Variants in IKZF3 observed in about 807,000 individuals in gnomAD.
IKZF3 encodes IKAROS family zinc finger 3.
IKZF3 carries 10 observed loss-of-function variants against 49.0 expected under a neutral mutation model. The ratio of observed to expected loss-of-function variants is 0.20; its 90% CI spans 0.13 to 0.35. The LOEUF (loss-of-function observed/expected upper bound fraction) is 0.35. IKZF3 is among the 10% of genes least tolerant of loss of function. The pLI, the probability that IKZF3 is intolerant of heterozygous loss-of-function variation, is 1.00. For synonymous variants in IKZF3, 209 were observed against 228.2 expected (o/e 0.92, Z 0.76); for missense variants, 498 against 664.8 (o/e 0.75, Z 2.76).
chr17:39,822,159 A>G (rs1026767616), intron 3 of IKZF3, among the ~76,000 whole-genome samples: 2 of 152,182 alleles, frequency 1.3e-5, no homozygotes, highest in African/African-American at 2.4e-5. Flanking sequence ...CCCCAGATGA[A>G]GCAGCTGATA....
chr17:39,850,836 T>C (rs1443154913), intron 1 of IKZF3, among the ~76,000 whole-genome samples: 1 of 126,506 alleles, frequency 7.9e-6, no homozygotes, highest in Non-Finnish European at 1.6e-5. Flanking sequence ...TGCTATATAG[T>C]ATATATAATA....
intron 3 of IKZF3, among the ~76,000 whole-genome samples, chr17:39,804,978 A>G (rs1287947679): frequency 6.6e-6 from 1 of 152,198 alleles, no homozygotes; most frequent in Non-Finnish European, 1.5e-5. Context: ...AAAGCCATAG[A>G]CATATACTTC....
chr17:39,782,779 G>A lies in IKZF3; in HGVS notation c.710-5012C>T, dbSNP rs183020992. The stretch of plus-strand genomic sequence containing the variant: ...ATGGGATGGTGGCAAGGAACAATTT[G>A]CACATTCAGCTCATGAGTGAGAACA... On this transcript the variant is annotated intron_variant, in intron 6 of 7. Coordinates refer to ENST00000346872, the MANE Select transcript of IKZF3 (RefSeq NM_012481.5). Among the ~76,000 whole-genome samples the A allele has an allele frequency of 3.4e-3, 511 of 152,270 alleles. 5 individuals are homozygous for A. The highest frequency in any genetic ancestry group is 0.012 in the African/African-American group (496 of 41,560).
At chr17:39,821,535 T>C (rs1282670905) in intron 3 of IKZF3, among the ~76,000 whole-genome samples, 2 of 152,176 alleles carry the variant, frequency 1.3e-5, no homozygotes, top group South Asian at 2.1e-4. Context: ...GCTGGTTCAC[T>C]GAATGCTTAA....
In IKZF3 at chr17:39,766,050, A is replaced by T. The variant is rs1011611007; in HGVS notation, c.1270T>A (p.Ser424Thr). ...GMPLLKEVPR[S>T]YELLKPPPIC... is the part of the protein sequence containing the mutation. The stretch of plus-strand genomic sequence containing the variant: ...GGCGGGGGCTTGAGGAGTTCGTAAG[A>T]GCGGGGAACCTCCTTCAGAAGTGGC... Residue 424 changes from serine (S) to threonine (T), a missense_variant, in exon 8 of 8, where the codon TCT (serine) becomes ACT (threonine). Coordinates refer to ENST00000346872, the MANE Select transcript of IKZF3 (RefSeq NM_012481.5). The T allele has an allele frequency of 3.7e-6, 6 of 1,614,126 alleles. No individual in the cohort carries two copies. The highest frequency in any genetic ancestry group is 5.1e-6 in the Non-Finnish European group (6 of 1,180,028).
chr17:39,813,541 G>A (rs2061610255), intron 3 of IKZF3, among the ~76,000 whole-genome samples: 1 of 151,934 alleles, frequency 6.6e-6, no homozygotes, highest in Non-Finnish European at 1.5e-5. Context: ...CTACTCTGGA[G>A]TCTCGGGTGG....
intron 3 of IKZF3, among the ~76,000 whole-genome samples, chr17:39,824,129 A>G (rs1357992993): frequency 3.9e-5 from 6 of 152,230 alleles, no homozygotes; most frequent in Non-Finnish European, 8.8e-5. Context: ...GCCCAAAGCC[A>G]TGGGAGCCCA....
intron 1 of IKZF3, among the ~76,000 whole-genome samples, chr17:39,836,636 CTG>C (rs2062292676): frequency 6.6e-6 from 1 of 152,150 alleles, no homozygotes; most frequent in South Asian, 2.1e-4. Flanking sequence ...CCAAATATGA[CTG>C]TTGATTTGTC....
At chr17:39,826,745 T>C (rs1034156942) in intron 3 of IKZF3, among the ~76,000 whole-genome samples, 1 of 152,186 alleles carries the variant, frequency 6.6e-6, no homozygotes, top group Non-Finnish European at 1.5e-5. Context: ...GGTGAGCACG[T>C]GGGTCCATAA....
intron 2 of IKZF3, among the ~76,000 whole-genome samples, 168 bp downstream of exon 2, chr17:39,831,930 T>C (rs896491902): frequency 6.6e-6 from 1 of 152,112 alleles, no homozygotes; most frequent in African/African-American, 2.4e-5. Context: ...ACTTACATGA[T>C]CTAAATGGAT....
intron 1 of IKZF3, among the ~76,000 whole-genome samples, chr17:39,832,710 TAGAC>T (rs758043014): frequency 2.0e-5 from 3 of 152,052 alleles, no homozygotes; most frequent in South Asian, 4.1e-4. Flanking sequence ...AGTAGAATGA[TAGAC>T]AGGGTGTGTG....
rs367805926 is a variant in IKZF3 at position 39,804,218 on chromosome 17, G to A, written c.164-11285C>T. ...CTCCAGCACTTTGGGAGGCCAAGGC[G>A]GGCAGATTATTTGAGGCCAGCAGTT... is the stretch of plus-strand genomic sequence containing the variant. On this transcript the variant is annotated intron_variant, in intron 3 of 7. Coordinates refer to ENST00000346872, the MANE Select transcript of IKZF3 (RefSeq NM_012481.5). Among the ~76,000 whole-genome samples the A allele has an allele frequency of 3.7e-3, 556 of 152,218 alleles. 1 individual carries two copies. Among genetic ancestry groups the A allele is most frequent in the African/African-American group, 6.3e-3 (263 of 41,530 alleles).
At chr17:39,791,688 T>A in intron 4 of IKZF3, 105 bp from the exon 5 acceptor site, 3 of 1,149,370 alleles carry the variant, frequency 2.6e-6, no homozygotes, top group African/African-American at 1.5e-5. Context: ...ACAATTACTG[T>A]TCACATTGGG....
Position 39,791,450 on chromosome 17 carries a change from T to C in IKZF3, c.558A>G (p.Arg186=), listed in dbSNP as rs781747938. ...CHLCNYACQR[R]DALTGHLRTH... is the part of the protein sequence containing the mutation. ...TCCTAAGATGCCCCGTGAGCGCATCTCTTCTTTGGCATGCATAGTTGCAGA... is the reference window on the plus strand; with the variant it reads ...TCCTAAGATGCCCCGTGAGCGCATCCCTTCTTTGGCATGCATAGTTGCAGA... The change falls in exon 5 of 8, where the codon AGA becomes AGG. Residue 186 remains arginine, a synonymous_variant. Coordinates refer to ENST00000346872, the MANE Select transcript of IKZF3 (RefSeq NM_012481.5). 1 of 1,614,024 alleles carries C rather than the reference T, an allele frequency of 6.2e-7. No homozygotes were observed. The highest frequency in any genetic ancestry group is 1.1e-5 in the South Asian group (1 of 91,074).
At chr17:39,774,700 T>C (rs2060534557) in intron 7 of IKZF3, among the ~76,000 whole-genome samples, 1 of 152,170 alleles carries the variant, frequency 6.6e-6, no homozygotes, top group African/African-American at 2.4e-5. Context: ...ACCATATATA[T>C]GACAGGAACT....
Position 39,766,006 on chromosome 17 carries a change from G to A in IKZF3, c.1314C>T (p.Ser438=), listed in dbSNP as rs907092. ...LKPPPICPRD[S]VKVINKEGEV... ...CCCCTTCCTTGTTGATCACTTTGAC[G>A]GAGTCTCTTGGGCAGATGGGCGGGG... The change falls in exon 8 of 8, where the codon TCC becomes TCT. Residue 438 remains serine, a synonymous_variant. Coordinates refer to ENST00000346872, the MANE Select transcript of IKZF3 (RefSeq NM_012481.5). 712,739 of 1,613,964 alleles carry A rather than the reference G, an allele frequency of 0.44. 162,867 individuals are homozygous for A. Among genetic ancestry groups the A allele is most frequent in the Non-Finnish European group, 0.47 (557,256 of 1,179,948 alleles).
At chr17:39,767,125 A>C (rs1264565138) in intron 7 of IKZF3, among the ~76,000 whole-genome samples, 2 of 152,084 alleles carry the variant, frequency 1.3e-5, no homozygotes, top group African/African-American at 2.4e-5. Flanking sequence ...CAAATGTAGA[A>C]AGTTTGAGAA....
intron 3 of IKZF3, among the ~76,000 whole-genome samples, chr17:39,796,004 T>C (rs35226954): frequency 0.02 from 3,075 of 151,870 alleles, 108 homozygotes; most frequent in African/African-American, 0.071. Flanking sequence ...ATCGTACCAC[T>C]GCACTCCAGC....
At chr17:39,845,300 T>C (rs1366446964) in intron 1 of IKZF3, among the ~76,000 whole-genome samples, 1 of 151,954 alleles carries the variant, frequency 6.6e-6, no homozygotes, top group African/African-American at 2.4e-5. Flanking sequence ...GGCAGGTGGA[T>C]CACTTAGTCA....
Sources: gnomAD v4.1 joint callset for allele counts (sites outside exome capture counted in the v4.1 genomes callset) on GRCh38, gnomAD v4.1.1 for gene constraint, MANE v1.5 for transcripts, NCBI Gene and HGNC (gene_info 2026-07-23, HGNC 2026-07-21) for gene names.